The following USP50 variants were observed in gnomAD, a reference collection of about 807,000 sequenced individuals.
The protein encoded by USP50 is ubiquitin specific peptidase 50, also known as ubiquitin carboxyl-terminal hydrolase 50.
In USP50, 37 loss-of-function variants were observed where a neutral mutation model predicts 39.2. That is an observed-to-expected ratio of 0.94 (90% CI 0.73 to 1.24). The LOEUF is 1.24. USP50 is among the 50% of genes most tolerant of loss of function. The pLI, the probability that USP50 is intolerant of heterozygous loss-of-function variation, is 0.00. For missense variants in USP50, 374 were observed against 398.2 expected, an observed-to-expected ratio of 0.94 and a Z score of 0.52; for synonymous variants, 139 against 144.5, an observed-to-expected ratio of 0.96 and a Z score of 0.27.
Position 50,546,462 on chromosome 15 carries a change from T to G in USP50, c.53+11A>C. 1 of 1,613,440 alleles carries G rather than the reference T, an allele frequency of 6.2e-7. No individual in the cohort carries two copies. Among genetic ancestry groups the G allele is most frequent in the East Asian group, 2.2e-5 (1 of 44,858 alleles). On this transcript the variant is annotated intron_variant, in intron 1 of 6. Coordinates refer to ENST00000532404, the MANE Select transcript of USP50 (RefSeq NM_203494.5). ...GGCTAATCTAGAAAGCTGTAGTAGA[T>G]CAAGGCTCACAGGACGTGGTAGATA...
chr15:50,539,606 G>A (rs753625722), intron 4 of USP50, among the ~76,000 whole-genome samples: 1 of 151,616 alleles, frequency 6.6e-6, no homozygotes, highest in African/African-American at 2.4e-5. Context: ...CATAGAGATG[G>A]GGTTTCACCA....
chr15:50,536,791 T>A (rs1268465615), intron 5 of USP50, among the ~76,000 whole-genome samples: 1 of 152,098 alleles, frequency 6.6e-6, no homozygotes, highest in South Asian at 2.1e-4. Context: ...ATGAAAGAAA[T>A]CCAAGAGGAA....
chr15:50,543,796 T>C lies in USP50; in HGVS notation c.249-3A>G. On this transcript the variant is annotated splice_polypyrimidine_tract_variant and splice_region_variant and intron_variant, in intron 2 of 6. Transcript: ENST00000532404. ...CAGTGGCAACTTCACTGCAATCGCT[T>C]GGAAGAAGAAAGGGATATGTTTCTG... 6.2e-7 allele frequency: 1 copy of C among 1,604,616 alleles called. No individual in the cohort carries two copies. Among genetic ancestry groups the C allele is most frequent in the Non-Finnish European group, 8.5e-7 (1 of 1,175,144 alleles).
chr15:50,503,679 T>C (rs1248314343), intron 6 of USP50: 1 of 152,234 alleles, frequency 6.6e-6, no homozygotes, highest in Non-Finnish European at 1.5e-5. Flanking sequence ...AAATTTATAC[T>C]ACCTGTGTGG....
intron 6 of USP50, among the ~76,000 whole-genome samples, chr15:50,514,994 T>TTAA (rs2052789697): frequency 1.3e-5 from 1 of 74,628 alleles, no homozygotes; most frequent in African/African-American, 5.6e-5. Flanking sequence ...AGACACAGTC[T>TTAA]AAAAAAAAAA....
At chr15:50,542,344 T>C (rs1270150233) in intron 3 of USP50, among the ~76,000 whole-genome samples, 2 of 152,090 alleles carry the variant, frequency 1.3e-5, no homozygotes, top group African/African-American at 4.8e-5. Flanking sequence ...TAATTCCTAC[T>C]TTGATCTTGG....
At chr15:50,512,325 T>TA (rs1373639566) in intron 6 of USP50, 6,196 of 136,174 alleles carry the variant, frequency 0.046, 446 homozygotes, top group African/African-American at 0.15. Context: ...AAGACTCTGT[T>TA]AAAAAAAAAA....
chr15:50,537,541 G>A (rs891168517), intron 5 of USP50, among the ~76,000 whole-genome samples: 1 of 151,560 alleles, frequency 6.6e-6, no homozygotes, highest in Non-Finnish European at 1.5e-5. Context: ...AGACACATCT[G>A]GTAAAGAACT....
At position 50,500,776 on chromosome 15, in the gene USP50, T is replaced by G. The variant is rs1183313221; in HGVS notation, c.998A>C (p.Gln333Pro). Residue 333 changes from glutamine to proline, a missense_variant, in exon 7 of 7, where the codon CAG (glutamine) becomes CCG (proline). Gln to Pro is a moderately conservative substitution (Grantham distance 76, BLOSUM62 -1). Transcript: ENST00000532404. Reference protein sequence around the residue: ...YTAFCKNSVTQA With the variant: ...YTAFCKNSVTPA ...TGTGTTATCAAAGCTATATCAGGCC[T>G]GGGTGACTGAATTCTTGCAGAAAGC... 6.3e-7 allele frequency: 1 copy of G among 1,588,334 alleles called. No individual in the cohort carries two copies. Among genetic ancestry groups the G allele is most frequent in the Non-Finnish European group, 8.6e-7 (1 of 1,166,694 alleles).
At chr15:50,535,717 C>G (rs926536261) in intron 5 of USP50, among the ~76,000 whole-genome samples, 4 of 152,118 alleles carry the variant, frequency 2.6e-5, no homozygotes, top group African/African-American at 9.7e-5. Flanking sequence ...AGTTCAAGAC[C>G]AGCCTAGGCA....
downstream of USP50, chr15:50,493,067 C>T: frequency 1.2e-6 from 1 of 824,916 alleles, no homozygotes; most frequent in Non-Finnish European, 2.0e-6. Flanking sequence ...TAGTTCTTGA[C>T]TGGGAAGGCC....
intron 6 of USP50, chr15:50,507,332 A>G (rs929177895): frequency 1.3e-5 from 2 of 152,252 alleles, no homozygotes; most frequent in African/African-American, 4.8e-5. Flanking sequence ...ACTATATAAC[A>G]TTTAGAACTC....
chr15:50,495,862 G>T, downstream of USP50: 1 of 1,612,364 alleles, frequency 6.2e-7, no homozygotes, highest in Non-Finnish European at 8.5e-7. Flanking sequence ...ATAATCGGAA[G>T]AGATATAAAG....
At chr15:50,509,758 C>G (rs1226927341) in intron 6 of USP50, 1 of 151,738 alleles carries the variant, frequency 6.6e-6, no homozygotes, top group African/African-American at 2.4e-5. Context: ...TTGTTAATAC[C>G]CTAAAAACTT....
chr15:50,504,042 C>T (rs931570162), intron 6 of USP50: 4 of 152,044 alleles, frequency 2.6e-5, no homozygotes, highest in Admixed American at 6.6e-5. Context: ...TCCATATTTA[C>T]GGGCTCTGCA....
At chr15:50,502,761 T>C (rs1292955662) in intron 6 of USP50, 2 of 152,258 alleles carry the variant, frequency 1.3e-5, no homozygotes, top group Non-Finnish European at 2.9e-5. Flanking sequence ...GGCCCCCAAA[T>C]AGCTGGGACT....
At chr15:50,498,329 G>A, downstream of USP50, 2 of 302,908 alleles carry the variant, frequency 6.6e-6, no homozygotes, top group Non-Finnish European at 1.2e-5. Context: ...TGTAGCAGTT[G>A]TAGCTGGACC....
chr15:50,537,592 C>T (rs1016285048), intron 5 of USP50, among the ~76,000 whole-genome samples: 3 of 151,594 alleles, frequency 2.0e-5, no homozygotes, highest in African/African-American at 7.3e-5. Flanking sequence ...GGCACAGTGG[C>T]TCATGCCTAT....
chr15:50,533,144 C>A (rs1335087988), intron 5 of USP50, among the ~76,000 whole-genome samples: 2 of 150,254 alleles, frequency 1.3e-5, no homozygotes, highest in Non-Finnish European at 3.0e-5. Context: ...CCTCCCCCTG[C>A]CCCCACCATG....
Sources: allele counts gnomAD v4.1 joint callset (sites outside exome capture counted in the v4.1 genomes callset), GRCh38; gene constraint gnomAD v4.1.1; transcripts MANE v1.5; gene names NCBI Gene and HGNC (gene_info 2026-07-23, HGNC 2026-07-21).